The following ME3 variants were observed in gnomAD, a reference collection of about 807,000 sequenced individuals.
ME3 encodes the protein NADP-dependent malic enzyme, mitochondrial.
A neutral mutation model predicts 68.9 loss-of-function variants in ME3; 48 were observed. The observed-to-expected ratio is 0.70, with a 90% CI of 0.55 to 0.89. The LOEUF (loss-of-function observed/expected upper bound fraction) is 0.89, where lower values mean the gene tolerates loss of function less well. Among genes scored for constraint, ME3 ranks in the 40% least tolerant of loss-of-function variants. The pLI is 0.00. For synonymous variants in ME3, 320 were observed against 318.8 expected (o/e 1.00, Z -0.04); for missense variants, 675 against 797.4 (o/e 0.85, Z 1.85).
intron 4 of ME3, among the ~76,000 whole-genome samples, chr11:86,532,102 A>G (rs1955292505): frequency 6.6e-6 from 1 of 152,206 alleles, no homozygotes; most frequent in African/African-American, 2.4e-5. Flanking sequence ...ATAGATATTA[A>G]ATCAAAAACT....
intron 4 of ME3, among the ~76,000 whole-genome samples, chr11:86,510,454 A>T (rs1172925545): frequency 6.6e-6 from 1 of 151,998 alleles, no homozygotes; most frequent in Non-Finnish European, 1.5e-5. Context: ...AAAAATCTGT[A>T]CTATGCCACT....
chr11:86,623,227 G>A (rs1943456211), intron 2 of ME3, among the ~76,000 whole-genome samples: 2 of 152,142 alleles, frequency 1.3e-5, no homozygotes, highest in Admixed American at 1.3e-4. Context: ...CAGAGGAAGG[G>A]TGCATTGTCA....
chr11:86,486,015 C>G (rs1251156978), intron 7 of ME3, among the ~76,000 whole-genome samples: 1 of 152,196 alleles, frequency 6.6e-6, no homozygotes, highest in Non-Finnish European at 1.5e-5. Context: ...TATCCTTAAA[C>G]CTCCCCATCC....
At chr11:86,579,439 C>T (rs1958307536) in intron 2 of ME3, among the ~76,000 whole-genome samples, 1 of 152,114 alleles carries the variant, frequency 6.6e-6, no homozygotes, top group African/African-American at 2.4e-5. Flanking sequence ...CTAAAGTTCT[C>T]TCTCTGTTCT....
At chr11:86,661,464 G>A (rs1946272182) in intron 2 of ME3, among the ~76,000 whole-genome samples, 1 of 152,218 alleles carries the variant, frequency 6.6e-6, no homozygotes, top group African/African-American at 2.4e-5. Context: ...TGTAGAATTA[G>A]AAATGTCATG....
At chr11:86,645,773 G>A (rs1474373268) in intron 2 of ME3, among the ~76,000 whole-genome samples, 1 of 152,162 alleles carries the variant, frequency 6.6e-6, no homozygotes, top group Admixed American at 6.5e-5. Flanking sequence ...CTTCCAGCAG[G>A]GGTCAACAGA....
rs544180737 is a variant in ME3 at position 86,556,474 on chromosome 11, A to G, written c.467+79T>C. 9.5e-5 allele frequency: 143 copies of G among 1,502,282 alleles called. No individual in the cohort carries two copies. In the African/African-American group the frequency reaches 1.8e-3, roughly 19 times the overall value. 93.1% of individuals were successfully genotyped at this position (1,502,282 alleles called of 1,614,324 possible). A position where few individuals can be genotyped will look rare whatever the true frequency, so the allele number is the denominator to read the frequency against. The stretch of plus-strand genomic sequence containing the variant: ...ATCAGAGTTAGCCTCCAGAGTCCCA[A>G]TATGCATGAAGGGCGGAAAGAATTT... On this transcript the variant is annotated intron_variant, in intron 4 of 14. Transcript: ENST00000543262.
At chr11:86,666,940 A>G (rs978269012) in intron 2 of ME3, among the ~76,000 whole-genome samples, 1 of 152,222 alleles carries the variant, frequency 6.6e-6, no homozygotes. Context: ...CAGAGAACAA[A>G]ATCATATACT....
At chr11:86,453,962 A>G (rs1360846531) in intron 8 of ME3, among the ~76,000 whole-genome samples, 2 of 152,196 alleles carry the variant, frequency 1.3e-5, no homozygotes, top group Admixed American at 1.3e-4. Flanking sequence ...TCTTTAATAG[A>G]CAATTAACAT....
At chr11:86,523,981 A>G (rs1565897945) in intron 4 of ME3, among the ~76,000 whole-genome samples, 1 of 152,232 alleles carries the variant, frequency 6.6e-6, no homozygotes, top group Non-Finnish European at 1.5e-5. Flanking sequence ...AGAAACTCAG[A>G]GAGAGTTGGT....
intron 2 of ME3, among the ~76,000 whole-genome samples, chr11:86,574,434 G>A (rs969890973): frequency 6.9e-6 from 1 of 145,594 alleles, no homozygotes; most frequent in Non-Finnish European, 1.5e-5. Context: ...TGATGTTGTT[G>A]TTGTTGTTGT....
intron 2 of ME3, among the ~76,000 whole-genome samples, chr11:86,571,836 C>T (rs11234696): frequency 0.21 from 31,754 of 152,110 alleles, 4,169 homozygotes; most frequent in Non-Finnish European, 0.29. Flanking sequence ...AGGGAAGGGC[C>T]CTAAGGGCCT....
intron 8 of ME3, chr11:86,462,606 G>A: frequency 7.8e-7 from 1 of 1,287,950 alleles, no homozygotes; most frequent in Non-Finnish European, 1.0e-6. Context: ...CAGTTTGTAT[G>A]TGTAGACATC....
At chr11:86,457,822 C>A (rs1427348778) in intron 8 of ME3, 1 of 1,250,174 alleles carries the variant, frequency 8.0e-7, no homozygotes. Flanking sequence ...AATTACATTT[C>A]CTGCAAACTG....
chr11:86,499,768 C>G (rs987748762), intron 5 of ME3, among the ~76,000 whole-genome samples: 3 of 152,214 alleles, frequency 2.0e-5, no homozygotes, highest in Non-Finnish European at 4.4e-5. Context: ...GACTGCATCT[C>G]ATGTGACCTT....
chr11:86,520,873 T>A (rs1013766983), intron 4 of ME3, among the ~76,000 whole-genome samples: 3 of 152,182 alleles, frequency 2.0e-5, no homozygotes, highest in African/African-American at 4.8e-5. Context: ...TTTGGGAAAG[T>A]TACCAGACCT....
intron 2 of ME3, among the ~76,000 whole-genome samples, chr11:86,605,351 G>C (rs1961469136): frequency 6.6e-6 from 1 of 152,170 alleles, no homozygotes; most frequent in African/African-American, 2.4e-5. Flanking sequence ...CAATTAGAAG[G>C]CTGGATGTGC....
chr11:86,604,482 A>G (rs1377639114), intron 2 of ME3, among the ~76,000 whole-genome samples: 2 of 152,204 alleles, frequency 1.3e-5, no homozygotes, highest in Non-Finnish European at 2.9e-5. Flanking sequence ...CCATCCATAT[A>G]ACCATTGCTC....
chr11:86,585,653 A>G (rs1274092225), intron 2 of ME3, among the ~76,000 whole-genome samples: 3 of 152,218 alleles, frequency 2.0e-5, no homozygotes, highest in African/African-American at 7.2e-5. Context: ...GGACAGTTCC[A>G]TATCTATAAG....
Sources: gnomAD v4.1 joint callset for allele counts (sites outside exome capture counted in the v4.1 genomes callset) on GRCh38, gnomAD v4.1.1 for gene constraint, MANE v1.5 for transcripts, NCBI Gene and HGNC (gene_info 2026-07-23, HGNC 2026-07-21) for gene names.